Variants in FBXL17 observed in about 807,000 individuals in gnomAD.
The protein encoded by FBXL17 is F-box and leucine rich repeat protein 17.
Under a neutral mutation model 66.2 loss-of-function variants are expected in FBXL17, and 22 were observed. The ratio of observed to expected loss-of-function variants is 0.33; its 90% CI spans 0.24 to 0.47. FBXL17 has a LOEUF of 0.47. Among genes scored for constraint, FBXL17 ranks in the 20% least tolerant of loss-of-function variants. The probability of loss-of-function intolerance (pLI) is 1.00; values close to 1 mark genes in which losing one functional copy is unlikely to be tolerated. For missense variants in FBXL17, 878 were observed against 948.2 expected (o/e 0.93, Z 0.97); for synonymous variants, 474 against 400.5 (o/e 1.18, Z -2.19).
At chr5:107,874,038 A>T (rs1311124715) in intron 8 of FBXL17, among the ~76,000 whole-genome samples, 1 of 152,184 alleles carries the variant, frequency 6.6e-6, no homozygotes, top group African/African-American at 2.4e-5. Flanking sequence ...CAAACCAAAC[A>T]AATCTCAGCC....
chr5:107,871,078 A>AAAAC (rs1554080849), intron 8 of FBXL17, among the ~76,000 whole-genome samples: 1 of 146,894 alleles, frequency 6.8e-6, no homozygotes, highest in African/African-American at 2.5e-5. Context: ...AAAAAAAAAA[A>AAAAC]ACCTCATCTA....
At chr5:108,379,685 G>A (rs1749704904) in intron 1 of FBXL17, among the ~76,000 whole-genome samples, 1 of 152,124 alleles carries the variant, frequency 6.6e-6, no homozygotes, top group Non-Finnish European at 1.5e-5. Flanking sequence ...CAATGAAAAT[G>A]GTTTATATTT....
intron 4 of FBXL17, among the ~76,000 whole-genome samples, chr5:108,273,208 C>T (rs1219855188): frequency 1.3e-5 from 2 of 151,936 alleles, no homozygotes; most frequent in African/African-American, 2.4e-5. Context: ...AGGACCGAGG[C>T]GGGATAGCAT....
chr5:108,317,712 T>C (rs1429943970), intron 4 of FBXL17, among the ~76,000 whole-genome samples: 1 of 151,428 alleles, frequency 6.6e-6, no homozygotes, highest in Non-Finnish European at 1.5e-5. Context: ...ATAACCTAAG[T>C]ATAGCCATAT....
intron 4 of FBXL17, among the ~76,000 whole-genome samples, chr5:108,278,580 C>T (rs956397227): frequency 1.3e-5 from 2 of 152,180 alleles, no homozygotes; most frequent in South Asian, 2.1e-4. Flanking sequence ...GCTCCAATGG[C>T]CCAGGACTGA....
intron 6 of FBXL17, among the ~76,000 whole-genome samples, chr5:108,120,261 T>G (rs1750433564): frequency 6.6e-6 from 1 of 152,174 alleles, no homozygotes; most frequent in Admixed American, 6.6e-5. Context: ...TTATCCAAAT[T>G]TAATGAAAAA....
At chr5:108,302,104 G>C in intron 4 of FBXL17, 1 of 802,958 alleles carries the variant, frequency 1.2e-6, no homozygotes, top group Non-Finnish European at 1.5e-6. Context: ...TAAAGTAATT[G>C]GTCAAGGCTA....
intron 4 of FBXL17, among the ~76,000 whole-genome samples, chr5:108,254,320 T>C (rs926721656): frequency 2.0e-5 from 3 of 152,340 alleles, no homozygotes; most frequent in Non-Finnish European, 4.4e-5. Flanking sequence ...GTATAAATCA[T>C]ATATTCTCTG....
chr5:108,094,001 T>C (rs1209245278), intron 6 of FBXL17, among the ~76,000 whole-genome samples: 1 of 152,172 alleles, frequency 6.6e-6, no homozygotes, highest in Non-Finnish European at 1.5e-5. Context: ...TCTTGATCAC[T>C]TGATGTTCTA....
At chr5:108,207,648 A>G (rs956522463) in intron 5 of FBXL17, among the ~76,000 whole-genome samples, 1 of 152,184 alleles carries the variant, frequency 6.6e-6, no homozygotes, top group Non-Finnish European at 1.5e-5. Context: ...TGCAAAGGAC[A>G]TGAACTCATC....
intron 4 of FBXL17, among the ~76,000 whole-genome samples, chr5:108,326,834 C>CA (rs1759879926): frequency 6.6e-6 from 1 of 152,110 alleles, no homozygotes; most frequent in Non-Finnish European, 1.5e-5. Flanking sequence ...TTGGTAGCGA[C>CA]ATAGTAGTCC....
At chr5:108,286,359 T>C (rs1381900287) in intron 4 of FBXL17, among the ~76,000 whole-genome samples, 6 of 152,130 alleles carry the variant, frequency 3.9e-5, no homozygotes, top group Middle Eastern at 3.4e-3. Flanking sequence ...ACTATCCCTG[T>C]TGCAGACTAT....
In FBXL17 at chr5:108,348,388, C is replaced by G; in HGVS notation, c.1506+11G>C. 2 of 1,608,920 alleles carry G rather than the reference C, an allele frequency of 1.2e-6. No individual in the cohort carries two copies. Among genetic ancestry groups the G allele is most frequent in the African/African-American group, 2.7e-5 (2 of 74,922 alleles). On this transcript the variant is annotated intron_variant, in intron 4 of 8. Coordinates refer to ENST00000542267, the MANE Select transcript of FBXL17 (RefSeq NM_001163315.3). Reference sequence around the variant, plus strand: ...AAAATGAACAATACAAGGATGATAACAAGTACTTACTAATTTGTTTTCCTG... The same window carrying G: ...AAAATGAACAATACAAGGATGATAAGAAGTACTTACTAATTTGTTTTCCTG...
intron 1 of FBXL17, 108 bp downstream of exon 1, chr5:108,380,591 C>T (rs1749776283): frequency 1.5e-6 from 1 of 668,212 alleles, no homozygotes. Flanking sequence ...CCTAGGCTGC[C>T]AGGGAACCCC....
chr5:108,061,823 C>T (rs1038738469), intron 6 of FBXL17, among the ~76,000 whole-genome samples: 5 of 151,464 alleles, frequency 3.3e-5, no homozygotes, highest in African/African-American at 1.2e-4. Flanking sequence ...TTTGTTGTTA[C>T]AGGTTTGGGT....
At chr5:108,033,815 G>A (rs1286723084) in intron 6 of FBXL17, among the ~76,000 whole-genome samples, 3 of 151,976 alleles carry the variant, frequency 2.0e-5, no homozygotes, top group Non-Finnish European at 4.4e-5. Context: ...TCGTAAAGAC[G>A]AGTTCAACAT....
At chr5:108,000,510 C>T in intron 7 of FBXL17, among the ~76,000 whole-genome samples, 1 of 152,134 alleles carries the variant, frequency 6.6e-6, no homozygotes, top group East Asian at 1.9e-4. Context: ...GAAGCAATAA[C>T]AATATTTTAC....
chr5:108,007,695 A>G (rs945452787), intron 7 of FBXL17, among the ~76,000 whole-genome samples: 4 of 152,190 alleles, frequency 2.6e-5, no homozygotes, highest in African/African-American at 9.7e-5. Flanking sequence ...CTTATGAACA[A>G]TATTTAAAAA....
rs752575685 is a variant in FBXL17 at position 108,218,016 on chromosome 5, CTTT to C, written c.1614+6102_1614+6104del. On this transcript the variant is annotated intron_variant, in intron 5 of 8. Coordinates refer to ENST00000542267, the MANE Select transcript of FBXL17 (RefSeq NM_001163315.3). ...TATACCATATTTTCTAATTTTTTTT[CTTT>C]TTTTTTTTTTTTTTTTGAGACAGAG... 7.4e-3 allele frequency among the ~76,000 whole-genome samples: 885 copies of C among 120,022 alleles called. 4 individuals carry two copies. Among genetic ancestry groups the C allele is most frequent in the Non-Finnish European group, 0.011 (624 of 59,182 alleles). The allele number at this position is 120,022 out of a possible 152,430, so 78.7% of individuals were successfully genotyped here. A position where few individuals can be genotyped will look rare whatever the true frequency, so the allele number is the denominator to read the frequency against.
Sources: gnomAD v4.1 joint callset for allele counts (sites outside exome capture counted in the v4.1 genomes callset) on GRCh38, gnomAD v4.1.1 for gene constraint, MANE v1.5 for transcripts, NCBI Gene and HGNC (gene_info 2026-07-23, HGNC 2026-07-21) for gene names.